SLC39A11: variants seen among roughly 807,000 people sequenced by gnomAD.
The protein encoded by SLC39A11 is zinc transporter ZIP11.
Under a neutral mutation model 36.1 loss-of-function variants are expected in SLC39A11, and 33 were observed. The observed-to-expected ratio is 0.91, with a 90% confidence interval of 0.69 to 1.22. The LOEUF (loss-of-function observed/expected upper bound fraction) is 1.22. Ranked by LOEUF, SLC39A11 falls within the 50% of genes most tolerant of loss-of-function variation. SLC39A11 has a pLI of 0.00. For synonymous variants in SLC39A11, 166 were observed against 170.3 expected, an observed-to-expected ratio of 0.97 and a Z score of 0.20; for missense variants, 432 against 430.3, an observed-to-expected ratio of 1.00 and a Z score of -0.03.
At chr17:73,052,726 T>C (rs932992797) in intron 3 of SLC39A11, among the ~76,000 whole-genome samples, 49 of 152,090 alleles carry the variant, frequency 3.2e-4, no homozygotes, top group African/African-American at 1.2e-3. Flanking sequence ...AGAGAATTAG[T>C]GGTTTTATTC....
intron 4 of SLC39A11, among the ~76,000 whole-genome samples, chr17:73,000,669 C>T (rs962067390): frequency 3.9e-5 from 6 of 152,160 alleles, no homozygotes; most frequent in Admixed American, 3.9e-4. Flanking sequence ...TGCTTGCAAC[C>T]CAGAACCCTG....
intron 4 of SLC39A11, among the ~76,000 whole-genome samples, chr17:73,023,889 C>T (rs1478149037): frequency 6.6e-6 from 1 of 152,140 alleles, no homozygotes; most frequent in Non-Finnish European, 1.5e-5. Flanking sequence ...GATGTGAGCA[C>T]AGAGGCAAGA....
chr17:72,709,335 T>G (rs1323818399), intron 7 of SLC39A11, among the ~76,000 whole-genome samples: 1 of 152,196 alleles, frequency 6.6e-6, no homozygotes, highest in African/African-American at 2.4e-5. Context: ...CAGGCTCCAG[T>G]GATCCTCCCA....
intron 4 of SLC39A11, among the ~76,000 whole-genome samples, chr17:73,017,167 TG>T (rs2058195494): frequency 6.6e-6 from 1 of 152,216 alleles, no homozygotes; most frequent in Non-Finnish European, 1.5e-5. Flanking sequence ...GCAAAGAATC[TG>T]GAGCAAATGT....
chr17:72,962,864 C>T (rs979422154), intron 4 of SLC39A11, among the ~76,000 whole-genome samples: 2 of 152,094 alleles, frequency 1.3e-5, no homozygotes, highest in Non-Finnish European at 2.9e-5. Context: ...CAAGTGTCTG[C>T]CTCTACGGGG....
At position 72,810,994 on chromosome 17, in the gene SLC39A11, C is replaced by T. The variant is rs144513071; in HGVS notation, c.601+38640G>A. 4.6e-4 allele frequency among the ~76,000 whole-genome samples: 69 copies of T among 151,162 alleles called. 1 individual carries two copies. In the East Asian group the frequency reaches 7.6e-3, roughly 17 times the overall value. On this transcript the variant is annotated intron_variant, in intron 6 of 9. Transcript: ENST00000255559. ...CAGGCGTGAGCCACCATGCCTGGCC[C>T]GTAAAAATTCTTTAAGTTGTATATT... is the stretch of plus-strand genomic sequence containing the variant.
intron 7 of SLC39A11, among the ~76,000 whole-genome samples, chr17:72,713,140 G>A (rs1347581347): frequency 2.0e-5 from 3 of 152,156 alleles, no homozygotes; most frequent in Non-Finnish European, 1.5e-5. Flanking sequence ...ATTGAAGCCC[G>A]GGGTGATAAG....
At chr17:72,664,501 T>C (rs1018611891) in intron 7 of SLC39A11, among the ~76,000 whole-genome samples, 46 of 152,174 alleles carry the variant, frequency 3.0e-4, no homozygotes, top group Admixed American at 9.2e-4. Flanking sequence ...GATCTACCTT[T>C]AGATCTGATG....
chr17:72,939,947 C>A (rs1485653086), intron 5 of SLC39A11, among the ~76,000 whole-genome samples: 1 of 152,156 alleles, frequency 6.6e-6, no homozygotes, highest in Non-Finnish European at 1.5e-5. Flanking sequence ...AATGTGAAAT[C>A]CAAAATGTTC....
At chr17:72,852,903 C>G (rs1289532898) in intron 5 of SLC39A11, among the ~76,000 whole-genome samples, 1 of 152,194 alleles carries the variant, frequency 6.6e-6, no homozygotes, top group African/African-American at 2.4e-5. Context: ...AGTCAGCAAA[C>G]ATTCCTGATT....
intron 5 of SLC39A11, among the ~76,000 whole-genome samples, chr17:72,859,453 C>G (rs947237211): frequency 6.6e-6 from 1 of 151,390 alleles, no homozygotes; most frequent in African/African-American, 2.4e-5. Flanking sequence ...GACAACTCTA[C>G]TTGAGCCCCT....
chr17:72,715,524 A>C (rs910939010), intron 7 of SLC39A11, among the ~76,000 whole-genome samples: 1 of 152,202 alleles, frequency 6.6e-6, no homozygotes, highest in African/African-American at 2.4e-5. Flanking sequence ...CATTATGCTA[A>C]GTGAAATAGG....
At chr17:72,765,460 G>A (rs1057380273) in intron 6 of SLC39A11, among the ~76,000 whole-genome samples, 28 of 152,256 alleles carry the variant, frequency 1.8e-4, no homozygotes, top group African/African-American at 6.7e-4. Flanking sequence ...CATTCCACCG[G>A]CTCTGCATGA....
intron 5 of SLC39A11, among the ~76,000 whole-genome samples, chr17:72,929,468 G>C (rs1196186120): frequency 6.6e-6 from 1 of 152,106 alleles, no homozygotes; most frequent in Admixed American, 6.5e-5. Flanking sequence ...GACAGGCCAG[G>C]GGTCATCATG....
At chr17:72,936,933 T>C (rs1042810987) in intron 5 of SLC39A11, among the ~76,000 whole-genome samples, 6 of 152,166 alleles carry the variant, frequency 3.9e-5, no homozygotes, top group African/African-American at 1.4e-4. Context: ...TAATGCTCAC[T>C]TGCTCACCAC....
intron 6 of SLC39A11, among the ~76,000 whole-genome samples, chr17:72,799,948 G>C (rs2145207768): frequency 6.6e-6 from 1 of 151,860 alleles, no homozygotes; most frequent in East Asian, 1.9e-4. Context: ...AAACTTGCCG[G>C]TCTGAGACTC....
intron 4 of SLC39A11, among the ~76,000 whole-genome samples, chr17:73,002,176 C>T (rs1042330319): frequency 2.0e-5 from 3 of 152,076 alleles, no homozygotes; most frequent in African/African-American, 7.2e-5. Flanking sequence ...CAATGACCCG[C>T]CATTGCCTGT....
intron 6 of SLC39A11, among the ~76,000 whole-genome samples, chr17:72,802,400 A>G (rs1267143527): frequency 2.6e-5 from 4 of 151,800 alleles, no homozygotes; most frequent in Admixed American, 6.6e-5. Flanking sequence ...GACCAGCCTG[A>G]CCAGCGTGGT....
chr17:72,857,514 G>A (rs2079709157), intron 5 of SLC39A11, among the ~76,000 whole-genome samples: 1 of 152,304 alleles, frequency 6.6e-6, no homozygotes, highest in South Asian at 2.1e-4. Flanking sequence ...TGGGATTGCT[G>A]GGTTGAACAG....
Sources: gnomAD v4.1 joint callset for allele counts (sites outside exome capture counted in the v4.1 genomes callset) on GRCh38, gnomAD v4.1.1 for gene constraint, MANE v1.5 for transcripts, NCBI Gene and HGNC (gene_info 2026-07-23, HGNC 2026-07-21) for gene names.